Variants in DPP10 observed in about 807,000 individuals in gnomAD.
The protein encoded by DPP10 is dipeptidyl peptidase like 10, also known as inactive dipeptidyl peptidase 10.
A neutral mutation model predicts 120.9 loss-of-function variants in DPP10; 33 were observed. The ratio of observed to expected loss-of-function variants is 0.27; its 90% CI spans 0.21 to 0.37. The LOEUF (loss-of-function observed/expected upper bound fraction) is 0.37, where lower values mean the gene tolerates loss of function less well. DPP10 is among the 10% of genes least tolerant of loss of function. The pLI, the probability that DPP10 is intolerant of heterozygous loss-of-function variation, is 1.00. For synonymous variants in DPP10, 337 were observed against 326.1 expected, an observed-to-expected ratio of 1.03 and a Z score of -0.36; for missense variants, 816 against 942.8, an observed-to-expected ratio of 0.87 and a Z score of 1.76.
chr2:114,542,246 C>T (rs546667157), intron 1 of DPP10, among the ~76,000 whole-genome samples: 4 of 151,948 alleles, frequency 2.6e-5, no homozygotes, highest in East Asian at 3.9e-4. Context: ...TGGGGTTTCA[C>T]CATGTTGGCC....
intron 1 of DPP10, among the ~76,000 whole-genome samples, chr2:114,495,747 A>C (rs1682457373): frequency 6.6e-6 from 1 of 152,186 alleles, no homozygotes; most frequent in Non-Finnish European, 1.5e-5. Flanking sequence ...TTGATTAATT[A>C]GCAGCTGGAG....
At chr2:115,471,872 G>A (rs2105183015) in intron 3 of DPP10, among the ~76,000 whole-genome samples, 1 of 152,114 alleles carries the variant, frequency 6.6e-6, no homozygotes, top group Admixed American at 6.6e-5. Flanking sequence ...AACTGCCTCA[G>A]CCTCCCAAAG....
At chr2:115,007,026 C>T (rs1303230637) in intron 1 of DPP10, among the ~76,000 whole-genome samples, 2 of 151,970 alleles carry the variant, frequency 1.3e-5, no homozygotes, top group Non-Finnish European at 2.9e-5. Context: ...ATCTCTCAGA[C>T]CACAGTGCAA....
chr2:115,353,734 T>A (rs1030422306), intron 3 of DPP10, among the ~76,000 whole-genome samples: 1 of 152,176 alleles, frequency 6.6e-6, no homozygotes, highest in Non-Finnish European at 1.5e-5. Context: ...TTTTGTTTTA[T>A]ACATGAGTAA....
chr2:115,313,498 A>G (rs969764881), intron 2 of DPP10, among the ~76,000 whole-genome samples: 1 of 152,212 alleles, frequency 6.6e-6, no homozygotes, highest in Non-Finnish European at 1.5e-5. Flanking sequence ...TTTTTCTACC[A>G]TGAAAATATA....
intron 3 of DPP10, among the ~76,000 whole-genome samples, chr2:115,433,000 G>A (rs1472419373): frequency 1.3e-5 from 2 of 151,878 alleles, no homozygotes; most frequent in East Asian, 1.9e-4. Flanking sequence ...ACCAAACAGA[G>A]CAGAATCTCC....
At chr2:115,521,288 A>T (rs966961385) in intron 4 of DPP10, among the ~76,000 whole-genome samples, 3 of 152,208 alleles carry the variant, frequency 2.0e-5, no homozygotes, top group Non-Finnish European at 4.4e-5. Flanking sequence ...TTTAGAGGGC[A>T]TGGATTTACG....
chr2:115,481,204 C>T (rs953585514), intron 3 of DPP10, among the ~76,000 whole-genome samples: 39 of 152,094 alleles, frequency 2.6e-4, no homozygotes, highest in Non-Finnish European at 8.8e-5. Context: ...TGCAATTACT[C>T]ATATGCCCCT....
At chr2:114,579,838 C>G (rs1358904689) in intron 1 of DPP10, among the ~76,000 whole-genome samples, 5 of 151,860 alleles carry the variant, frequency 3.3e-5, no homozygotes, top group Non-Finnish European at 2.9e-5. Flanking sequence ...TTTTTACCTC[C>G]AGCTTTATAG....
rs375851628 is a variant in DPP10 at position 115,584,760 on chromosome 2, A to C, written c.441+58788A>C. On this transcript the variant is annotated intron_variant, in intron 5 of 25. Transcript: ENST00000410059. ...AGGCGAGGGATTACAATTCTGAGCC[A>C]TGGCATCTAGTGGAGCCATGAGAAT... 7.2e-5 allele frequency among the ~76,000 whole-genome samples: 11 copies of C among 152,282 alleles called. No individual in the cohort carries two copies. In the East Asian group the frequency reaches 1.2e-3, roughly 16 times the overall value.
chr2:115,817,023 A>T (rs948497446), intron 21 of DPP10, among the ~76,000 whole-genome samples: 18 of 150,566 alleles, frequency 1.2e-4, no homozygotes, highest in Non-Finnish European at 2.2e-4. Context: ...CCAAGGCGGG[A>T]GGATCATGAG....
intron 1 of DPP10, among the ~76,000 whole-genome samples, chr2:115,006,518 G>A (rs1468758566): frequency 3.3e-5 from 5 of 150,376 alleles, no homozygotes; most frequent in African/African-American, 9.8e-5. Flanking sequence ...AAAGGATGGA[G>A]GAAGATCTAC....
intron 1 of DPP10, among the ~76,000 whole-genome samples, chr2:114,935,968 A>G (rs1415986683): frequency 1.3e-5 from 2 of 149,834 alleles, no homozygotes; most frequent in African/African-American, 2.5e-5. Context: ...TTTCTGTGAC[A>G]TTTATTTATT....
At chr2:115,313,395 C>G (rs1483212620) in intron 2 of DPP10, among the ~76,000 whole-genome samples, 1 of 152,194 alleles carries the variant, frequency 6.6e-6, no homozygotes, top group Admixed American at 6.5e-5. Flanking sequence ...TGTCTATTAT[C>G]TAATATATTA....
chr2:114,776,296 C>T (rs1025963953), intron 1 of DPP10, among the ~76,000 whole-genome samples: 5 of 152,146 alleles, frequency 3.3e-5, no homozygotes, highest in African/African-American at 7.2e-5. Flanking sequence ...TCCCACTGCA[C>T]ATTGGATATA....
At chr2:115,642,585 C>T (rs1255404964) in intron 5 of DPP10, among the ~76,000 whole-genome samples, 1 of 152,048 alleles carries the variant, frequency 6.6e-6, no homozygotes, top group Non-Finnish European at 1.5e-5. Flanking sequence ...TCCTCTCTCT[C>T]CTTCTCTTCT....
Position 114,615,775 on chromosome 2 carries a change from G to A in DPP10, c.60+172937G>A, listed in dbSNP as rs117858748. Reference sequence around the variant, plus strand: ...GGGAGAACCTGACATAAATTAGTTTGGATAGAAATTATTTGCAAGATTCAA... The same window carrying A: ...GGGAGAACCTGACATAAATTAGTTTAGATAGAAATTATTTGCAAGATTCAA... On this transcript the variant is annotated intron_variant, in intron 1 of 25. Coordinates refer to ENST00000410059, the MANE Select transcript of DPP10 (RefSeq NM_020868.6). Among the ~76,000 whole-genome samples the A allele has an allele frequency of 3.9e-5, 6 of 152,208 alleles. No individual in the cohort carries two copies. In the East Asian group the frequency reaches 1.2e-3, roughly 29 times the overall value.
chr2:115,670,020 G>T (rs1035834475), intron 5 of DPP10, among the ~76,000 whole-genome samples: 1 of 152,094 alleles, frequency 6.6e-6, no homozygotes, highest in African/African-American at 2.4e-5. Flanking sequence ...TGCAGGCTGG[G>T]AAGTCTGAGG....
At chr2:115,399,178 G>A (rs1257972439) in intron 3 of DPP10, among the ~76,000 whole-genome samples, 2 of 152,062 alleles carry the variant, frequency 1.3e-5, no homozygotes, top group Admixed American at 6.6e-5. Flanking sequence ...CTGAGTGCTC[G>A]CATTGTTTCT....
Sources: gnomAD v4.1 joint callset for allele counts (sites outside exome capture counted in the v4.1 genomes callset) on GRCh38, gnomAD v4.1.1 for gene constraint, MANE v1.5 for transcripts, NCBI Gene and HGNC (gene_info 2026-07-23, HGNC 2026-07-21) for gene names.